The following PARD3B variants were observed in gnomAD, a reference collection of about 807,000 sequenced individuals.
PARD3B encodes the protein partitioning defective 3 homolog B.
In PARD3B, 103 loss-of-function variants were observed where a neutral mutation model predicts 130.2. That is an observed-to-expected ratio of 0.79 (90% CI 0.67 to 0.93). The LOEUF is 0.93. Among genes scored for constraint, PARD3B ranks in the 40% least tolerant of loss-of-function variants. The pLI is 0.00. For missense variants in PARD3B, 1,609 were observed against 1,499.2 expected, an observed-to-expected ratio of 1.07 and a Z score of -1.21; for synonymous variants, 583 against 553.2, an observed-to-expected ratio of 1.05 and a Z score of -0.76.
At chr2:205,061,561 A>G (rs1013077333) in intron 4 of PARD3B, among the ~76,000 whole-genome samples, 27 of 152,210 alleles carry the variant, frequency 1.8e-4, no homozygotes, top group African/African-American at 6.5e-4. Context: ...TTAAATACAT[A>G]CGTATGTTGG....
At chr2:205,087,549 G>A (rs751746241) in intron 4 of PARD3B, among the ~76,000 whole-genome samples, 21 of 151,946 alleles carry the variant, frequency 1.4e-4, no homozygotes, top group Non-Finnish European at 2.6e-4. Flanking sequence ...GAATATTTTA[G>A]TAGGTTGTCT....
At chr2:205,107,895 C>T (rs1184263423) in intron 5 of PARD3B, among the ~76,000 whole-genome samples, 1 of 152,150 alleles carries the variant, frequency 6.6e-6, no homozygotes, top group Admixed American at 6.6e-5. Context: ...CTTTAAATAG[C>T]AAGCAATATG....
At chr2:205,503,141 A>G (rs539417092) in intron 21 of PARD3B, among the ~76,000 whole-genome samples, 1 of 151,846 alleles carries the variant, frequency 6.6e-6, no homozygotes, top group South Asian at 2.1e-4. Context: ...AGTGTAGACC[A>G]GGTGCTGATA....
intron 15 of PARD3B, among the ~76,000 whole-genome samples, chr2:205,213,207 G>T: frequency 6.7e-6 from 1 of 148,314 alleles, no homozygotes; most frequent in African/African-American, 2.6e-5. Context: ...GCCTTCTCTA[G>T]GGGACTGTCA....
intron 1 of PARD3B, among the ~76,000 whole-genome samples, chr2:204,560,967 G>A (rs1053759183): frequency 2.6e-5 from 4 of 152,116 alleles, no homozygotes; most frequent in African/African-American, 9.7e-5. Context: ...AGTGTAGGTG[G>A]AACTGGGGAG....
rs1470861032 is a variant in PARD3B, at chr2:204,907,152, T to A, written c.223-58000T>A. Among the ~76,000 whole-genome samples, 1 of 152,076 alleles carries A rather than the reference T, an allele frequency of 6.6e-6. No homozygotes were observed. The highest frequency in any genetic ancestry group is 2.4e-5 in the African/African-American group (1 of 41,404). On this transcript the variant is annotated intron_variant, in intron 2 of 22. Coordinates refer to ENST00000406610, the MANE Select transcript of PARD3B (RefSeq NM_001302769.2). The surrounding 1 kb of genome is among the most constrained non-coding windows in gnomAD (Gnocchi z 5.7). ...CCCACCACCACACCCGGCTCTTTTT[T>A]CATATTTTTAGTAAAGACGGGGTTT...
intron 22 of PARD3B, among the ~76,000 whole-genome samples, chr2:205,597,568 G>T (rs1430157035): frequency 6.6e-6 from 1 of 152,178 alleles, no homozygotes; most frequent in Non-Finnish European, 1.5e-5. Flanking sequence ...GGATTGAATG[G>T]TAGTTCAGTC....
rs1318377927 is a variant in PARD3B at position 204,610,659 on chromosome 2, C to T, written c.120+64540C>T. 6.6e-6 allele frequency among the ~76,000 whole-genome samples: 1 copy of T among 152,134 alleles called. No individual in the cohort carries two copies. Among genetic ancestry groups the T allele is most frequent in the East Asian group, 1.9e-4 (1 of 5,172 alleles). ...ACAGGCAGGAGCCACCGTGCCTGCCCCTTGTCCTTCATAGAACCACTTTGA... is the reference window on the plus strand; with the variant it reads ...ACAGGCAGGAGCCACCGTGCCTGCCTCTTGTCCTTCATAGAACCACTTTGA... On this transcript the variant is annotated intron_variant, in intron 1 of 22. Coordinates refer to ENST00000406610, the MANE Select transcript of PARD3B (RefSeq NM_001302769.2). This position sits in a 1 kb window ranked among gnomAD's most constrained non-coding sequence, Gnocchi z 4.1.
intron 18 of PARD3B, among the ~76,000 whole-genome samples, chr2:205,354,795 A>G (rs12472815): frequency 0.6 from 91,826 of 152,106 alleles, 30,932 homozygotes; most frequent in South Asian, 0.77. Flanking sequence ...CTTACAATAG[A>G]TTTGATTGGC....
chr2:205,155,967 G>A (rs1359086106), intron 10 of PARD3B, among the ~76,000 whole-genome samples: 1 of 152,092 alleles, frequency 6.6e-6, no homozygotes. Flanking sequence ...GCACACGTAT[G>A]TTTATTGCGG....
intron 1 of PARD3B, among the ~76,000 whole-genome samples, chr2:204,577,649 G>A (rs1276583282): frequency 1.6e-4 from 24 of 152,184 alleles, no homozygotes; most frequent in Admixed American, 1.5e-3. Context: ...ATAGCTCACC[G>A]TAACCTTGAA....
chr2:205,480,327 C>T (rs533877083), intron 20 of PARD3B, among the ~76,000 whole-genome samples: 54 of 152,272 alleles, frequency 3.5e-4, no homozygotes, highest in African/African-American at 1.3e-3. Context: ...ACTTGTAATT[C>T]AGACCTTAGA....
intron 2 of PARD3B, among the ~76,000 whole-genome samples, chr2:204,782,212 C>T (rs951764427): frequency 2.0e-5 from 3 of 152,038 alleles, no homozygotes; most frequent in African/African-American, 7.2e-5. Context: ...CTGTGACTTT[C>T]TCTTTGTCTC....
chr2:205,097,646 G>C (rs141843748), intron 4 of PARD3B, among the ~76,000 whole-genome samples: 15 of 152,118 alleles, frequency 9.9e-5, no homozygotes, highest in Admixed American at 5.2e-4. Context: ...TGAGTGCGGG[G>C]CCCAGCAATC....
chr2:204,764,715 C>CATGTGTGTGTGT lies in PARD3B; in HGVS notation c.222+78433_222+78434insATGTGTGTGTGT, dbSNP rs60298501. ...CAGCAGGCTGAATCTGGCATGCATGCGTGTGTGTGTGTGTGTGTGTGTGTG... is the reference window on the plus strand; with the variant it reads ...CAGCAGGCTGAATCTGGCATGCATGCATGTGTGTGTGTGTGTGTGTGTGTGTGTGTGTGTGTG... On this transcript the variant is annotated intron_variant, in intron 2 of 22. Transcript: ENST00000406610. 4.3e-3 allele frequency among the ~76,000 whole-genome samples: 632 copies of CATGTGTGTGTGT among 145,752 alleles called. 7 individuals carry two copies. The highest frequency in any genetic ancestry group is 0.015 in the African/African-American group (585 of 39,604).
At chr2:205,051,339 A>G (rs962684828) in intron 4 of PARD3B, among the ~76,000 whole-genome samples, 20 of 152,194 alleles carry the variant, frequency 1.3e-4, no homozygotes, top group Admixed American at 1.2e-3. Flanking sequence ...GCCATGTTCA[A>G]TTGCATTTCA....
rs11287171 is a variant in PARD3B, at chr2:205,254,088, T to TAAAAA, written c.2185+8287_2185+8291dup. On this transcript the variant is annotated intron_variant, in intron 16 of 22. Transcript: ENST00000406610. ...GTGGTATCATTAGTTGTAGAGAAAT[T>TAAAAA]AAAAAAAAAAAAAAAAAAAAAAAAA... Among the ~76,000 whole-genome samples, 7 of 75,962 alleles carry TAAAAA rather than the reference T, an allele frequency of 9.2e-5. 1 individual carries two copies. The highest frequency in any genetic ancestry group is 1.9e-4 in the African/African-American group (4 of 21,216). The allele number at this position is 75,962 out of a possible 152,430, so 49.8% of individuals were successfully genotyped here.
intron 18 of PARD3B, among the ~76,000 whole-genome samples, chr2:205,356,717 C>G (rs1272848030): frequency 4.0e-5 from 6 of 151,876 alleles, no homozygotes; most frequent in East Asian, 3.9e-4. Flanking sequence ...ATGGTGAAAC[C>G]CCGTCTCTAC....
At chr2:205,444,493 AG>A (rs1465701135) in intron 20 of PARD3B, among the ~76,000 whole-genome samples, 1 of 152,194 alleles carries the variant, frequency 6.6e-6, no homozygotes, top group African/African-American at 2.4e-5. Context: ...TGCCTGAATA[AG>A]GGTATTTTTC....
Sources: allele counts gnomAD v4.1 joint callset (sites outside exome capture counted in the v4.1 genomes callset), GRCh38; gene constraint gnomAD v4.1.1; non-coding constraint Gnocchi (gnomAD v3.1); transcripts MANE v1.5; gene names NCBI Gene and HGNC (gene_info 2026-07-23, HGNC 2026-07-21).